Variants in BRWD1 observed in about 807,000 individuals in gnomAD.
BRWD1 encodes bromodomain and WD repeat-containing protein 1.
Under a neutral mutation model 251.2 loss-of-function variants are expected in BRWD1, and 82 were observed. The observed-to-expected ratio is 0.33, with a 90% CI of 0.27 to 0.39. BRWD1 has a LOEUF of 0.39. Among genes scored for constraint, BRWD1 ranks in the 10% least tolerant of loss-of-function variants. The pLI, the probability that BRWD1 is intolerant of heterozygous loss-of-function variation, is 1.00. For missense variants in BRWD1, 2,233 were observed against 2,711.6 expected (o/e 0.82, Z 3.92); for synonymous variants, 918 against 902.8 (o/e 1.02, Z -0.30).
At chr21:39,207,609 G>A (rs2032467829) in intron 36 of BRWD1, among the ~76,000 whole-genome samples, 1 of 152,052 alleles carries the variant, frequency 6.6e-6, no homozygotes, top group Non-Finnish European at 1.5e-5. Context: ...TCCTGGAAAA[G>A]GTAAACATGA....
intron 25 of BRWD1, among the ~76,000 whole-genome samples, 177 bp from the exon 26 acceptor site, chr21:39,229,613 A>G (rs1326148056): frequency 6.6e-6 from 1 of 152,228 alleles, no homozygotes; most frequent in Non-Finnish European, 1.5e-5. Flanking sequence ...CATATTTAAT[A>G]CAGTTTCTAA....
Position 39,189,093 on chromosome 21 carries a change from T to C in BRWD1, c.*7166A>G, listed in dbSNP as rs2031408313. Reference sequence around the variant, plus strand: ...CAACCCTATATCCAAAATGAATCTTTAACACATTAAATCAATGTTAGCAAA... The same window carrying C: ...CAACCCTATATCCAAAATGAATCTTCAACACATTAAATCAATGTTAGCAAA... On this transcript the variant is annotated 3_prime_UTR_variant, in exon 41 of 41. Coordinates refer to ENST00000342449, the MANE Select transcript of BRWD1 (RefSeq NM_033656.4). The C allele has an allele frequency of 1.0e-6, 1 of 983,710 alleles. No homozygotes were observed. The highest frequency in any genetic ancestry group is 1.2e-6 in the Non-Finnish European group (1 of 828,430). 60.9% of individuals were successfully genotyped at this position (983,710 alleles called of 1,614,324 possible).
At position 39,193,750 on chromosome 21, in the gene BRWD1, A is replaced by G. The variant is rs2146446470; in HGVS notation, c.*2509T>C. The G allele has an allele frequency of 1.0e-6, 1 of 985,630 alleles. No homozygotes were observed. Among genetic ancestry groups the G allele is most frequent in the South Asian group, 4.7e-5 (1 of 21,292 alleles). 61.1% of individuals were successfully genotyped at this position (985,630 alleles called of 1,614,324 possible). A position where few individuals can be genotyped will look rare whatever the true frequency, so the allele number is the denominator to read the frequency against. ...ACAAACTGACCCTAAACATTAAAGT[A>G]CACCTGTGCATTAAATCCCTGGGCA... is the stretch of plus-strand genomic sequence containing the variant. On this transcript the variant is annotated 3_prime_UTR_variant, in exon 41 of 41. Coordinates refer to ENST00000342449, the MANE Select transcript of BRWD1 (RefSeq NM_033656.4).
chr21:39,270,216 A>G, intron 14 of BRWD1, 67 bp downstream of exon 14: 1 of 1,406,272 alleles, frequency 7.1e-7, no homozygotes, highest in Non-Finnish European at 9.5e-7. Context: ...TATTATTTTT[A>G]TAGCTTCAAA....
intron 31 of BRWD1, among the ~76,000 whole-genome samples, chr21:39,215,596 C>A (rs559724361): frequency 6.6e-6 from 1 of 152,268 alleles, no homozygotes; most frequent in African/African-American, 2.4e-5. Context: ...ATTACTTAAT[C>A]ACATACAGAA....
chr21:39,193,088 T>G lies in BRWD1; in HGVS notation c.*3171A>C. The stretch of plus-strand genomic sequence containing the variant: ...CACCCTCAGATGGTATTTTTATTGG[T>G]TTGTTTTATATTCCCCTTTTCCATT... On this transcript the variant is annotated 3_prime_UTR_variant, in exon 41 of 41. Coordinates refer to ENST00000342449, the MANE Select transcript of BRWD1 (RefSeq NM_033656.4). The G allele has an allele frequency of 2.0e-6, 2 of 985,170 alleles. No homozygotes were observed. The highest frequency in any genetic ancestry group is 9.4e-5 in the South Asian group (2 of 21,286). 61.0% of individuals were successfully genotyped at this position (985,170 alleles called of 1,614,324 possible).
intron 19 of BRWD1, among the ~76,000 whole-genome samples, chr21:39,252,498 T>C (rs2034428827): frequency 6.6e-6 from 1 of 152,216 alleles, no homozygotes; most frequent in South Asian, 2.1e-4. Context: ...TATCAAATGA[T>C]ATCCTAACAT....
At chr21:39,259,500 G>A (rs1046872237) in intron 17 of BRWD1, among the ~76,000 whole-genome samples, 14 of 152,088 alleles carry the variant, frequency 9.2e-5, no homozygotes, top group Middle Eastern at 3.4e-3. Context: ...GGGTTTCACC[G>A]TGTTAGCCAG....
chr21:39,211,047 A>C, intron 34 of BRWD1, 118 bp from the exon 35 acceptor site: 1 of 1,037,848 alleles, frequency 9.6e-7, no homozygotes, highest in Non-Finnish European at 1.3e-6. Flanking sequence ...TGTTGCTCTC[A>C]ACACATTTTT....
chr21:39,306,736 G>A (rs1235926926), intron 4 of BRWD1, among the ~76,000 whole-genome samples: 1 of 152,132 alleles, frequency 6.6e-6, no homozygotes, highest in Non-Finnish European at 1.5e-5. Flanking sequence ...TCAGAATTTG[G>A]TTTATTAGAA....
intron 19 of BRWD1, among the ~76,000 whole-genome samples, chr21:39,254,680 T>A (rs1338995204): frequency 6.6e-6 from 1 of 152,254 alleles, no homozygotes; most frequent in Non-Finnish European, 1.5e-5. Context: ...CTTTTTTAGA[T>A]TTCTTTTTCA....
intron 20 of BRWD1, among the ~76,000 whole-genome samples, chr21:39,250,539 GA>G (rs1363294306): frequency 1.3e-5 from 2 of 150,214 alleles, no homozygotes; most frequent in African/African-American, 4.9e-5. Context: ...TGACAATTCA[GA>G]ATCAAATAAT....
chr21:39,226,537 C>T (rs1245569807), intron 27 of BRWD1, among the ~76,000 whole-genome samples: 1 of 152,156 alleles, frequency 6.6e-6, no homozygotes, highest in Non-Finnish European at 1.5e-5. Context: ...AAAATGAGAG[C>T]CTCTTACACC....
chr21:39,245,756 C>T (rs1042736072), intron 21 of BRWD1, among the ~76,000 whole-genome samples: 4 of 152,054 alleles, frequency 2.6e-5, no homozygotes, highest in African/African-American at 4.8e-5. Context: ...CCTACCACCA[C>T]GTCAAACTAA....
intron 22 of BRWD1, among the ~76,000 whole-genome samples, chr21:39,237,633 T>C (rs1009130032): frequency 5.8e-4 from 88 of 152,190 alleles, no homozygotes; most frequent in Middle Eastern, 6.8e-3. Flanking sequence ...ACACGGAAGG[T>C]AGAATAGTGG....
intron 8 of BRWD1, among the ~76,000 whole-genome samples, chr21:39,289,811 T>C (rs2035752644): frequency 1.3e-5 from 2 of 151,662 alleles, no homozygotes; most frequent in South Asian, 4.2e-4. Context: ...GATCATGAGG[T>C]CAGGAGATCG....
chr21:39,196,677 G>C lies in BRWD1; in HGVS notation c.6392C>G (p.Ser2131Trp), dbSNP rs758484795. The change falls in exon 41 of 41, where the codon TCG (serine) becomes TGG (tryptophan). Residue 2131 changes from serine (S) to tryptophan (W), a missense_variant. Physicochemically the swap from Ser to Trp is radical, Grantham distance 177. Around this residue, in one of 12 missense-constraint regions of BRWD1, gnomAD observed 928 missense variants for 970.0 expected, o/e 0.96. Coordinates refer to ENST00000342449, the MANE Select transcript of BRWD1 (RefSeq NM_033656.4). ...TTTCACATTTTCCAATTCAGGATGC[G>C]ATCTCTTCCTTTTTACTTCCTTCTC... The part of the protein sequence containing the change: ...TAEKEVKRKR[S>W]HPELENVKIS... The C allele has an allele frequency of 2.5e-6, 4 of 1,613,826 alleles. No individual in the cohort carries two copies. The East Asian group carries it at 6.7e-5, about 27-fold the overall frequency.
intron 31 of BRWD1, 134 bp downstream of exon 31, chr21:39,218,018 G>T: frequency 1.0e-6 from 1 of 980,454 alleles, no homozygotes; most frequent in Non-Finnish European, 1.4e-6. Flanking sequence ...AACACCATCT[G>T]ACAATGAAAG....
intron 17 of BRWD1, 26 bp downstream of exon 17, chr21:39,264,434 A>G: frequency 1.5e-6 from 2 of 1,355,242 alleles, no homozygotes; most frequent in African/African-American, 1.5e-5. Context: ...ACTTTAAAAA[A>G]AAAAAAAAAA....
Sources: allele counts gnomAD v4.1 joint callset (sites outside exome capture counted in the v4.1 genomes callset), GRCh38; gene constraint gnomAD v4.1.1; regional missense constraint gnomAD v4.1.1; transcripts MANE v1.5; gene names NCBI Gene and HGNC (gene_info 2026-07-23, HGNC 2026-07-21).